Variants in MRTFB observed in about 807,000 individuals in gnomAD.
MRTFB encodes myocardin related transcription factor B, also known as myocardin-related transcription factor B.
A neutral mutation model predicts 104.2 loss-of-function variants in MRTFB; 29 were observed. That is an observed-to-expected ratio of 0.28 (90% CI 0.21 to 0.38). MRTFB has a LOEUF of 0.38. MRTFB is among the 10% of genes least tolerant of loss of function. The pLI is 1.00. For synonymous variants in MRTFB, 535 were observed against 519.5 expected (o/e 1.03, Z -0.41); for missense variants, 1,270 against 1,341.6 (o/e 0.95, Z 0.83).
At chr16:14,154,899 G>A (rs1022869409) in intron 3 of MRTFB, among the ~76,000 whole-genome samples, 5 of 152,154 alleles carry the variant, frequency 3.3e-5, no homozygotes, top group Non-Finnish European at 7.4e-5. Flanking sequence ...AAGTCTTCTG[G>A]CAAGACAGAG....
At chr16:14,139,977 C>T (rs961507775) in intron 2 of MRTFB, among the ~76,000 whole-genome samples, 1 of 152,142 alleles carries the variant, frequency 6.6e-6, no homozygotes, top group Non-Finnish European at 1.5e-5. Flanking sequence ...CAGAATGAGC[C>T]AGGTTTTACT....
upstream of MRTFB, among the ~76,000 whole-genome samples, chr16:14,070,936 G>A (rs555077506): frequency 6.6e-6 from 1 of 152,332 alleles, no homozygotes; most frequent in South Asian, 2.1e-4. Context: ...ACTTTGGAGG[G>A]CAGTGTGAGG....
At chr16:14,234,527 C>T (rs564325402) in intron 9 of MRTFB, among the ~76,000 whole-genome samples, 1 of 152,322 alleles carries the variant, frequency 6.6e-6, no homozygotes, top group East Asian at 1.9e-4. Flanking sequence ...GATGCAGTGG[C>T]TTACCTCTGT....
At chr16:14,192,048 T>C (rs986809591) in intron 3 of MRTFB, 2 of 152,188 alleles carry the variant, frequency 1.3e-5, no homozygotes, top group African/African-American at 4.8e-5. Context: ...ATTAAAAGTG[T>C]TGTACAAGTG....
intron 3 of MRTFB, among the ~76,000 whole-genome samples, chr16:14,203,908 G>C (rs1052499248): frequency 6.6e-6 from 1 of 151,918 alleles, no homozygotes; most frequent in Admixed American, 6.6e-5. Flanking sequence ...TTGAATTAGG[G>C]TTATAAGTAT....
chr16:14,216,104 G>C (rs77047961), intron 6 of MRTFB, among the ~76,000 whole-genome samples: 1,859 of 152,308 alleles, frequency 0.012, 20 homozygotes, highest in Middle Eastern at 0.02. Flanking sequence ...GACAATCAAG[G>C]CTCACTTTTG....
At chr16:14,038,851 C>T in the MRTFB span, among the ~76,000 whole-genome samples, 1 of 152,194 alleles carries the variant, frequency 6.6e-6, no homozygotes, top group African/African-American at 2.4e-5. Flanking sequence ...CACAGTTCCA[C>T]ATGGCTGGGG....
intron 2 of MRTFB, among the ~76,000 whole-genome samples, chr16:14,091,543 T>C (rs1304724387): frequency 6.6e-6 from 1 of 152,140 alleles, no homozygotes; most frequent in Non-Finnish European, 1.5e-5. Context: ...GGCCAGGCAC[T>C]GGGGTCTTTG....
chr16:14,174,290 G>T (rs187909692), intron 3 of MRTFB, among the ~76,000 whole-genome samples: 1 of 152,118 alleles, frequency 6.6e-6, no homozygotes, highest in Non-Finnish European at 1.5e-5. Context: ...CATTGTATCT[G>T]TTGTCCTTTT....
the MRTFB span, among the ~76,000 whole-genome samples, chr16:14,056,879 G>A: frequency 6.6e-6 from 1 of 151,956 alleles, no homozygotes; most frequent in Admixed American, 6.6e-5. Flanking sequence ...CATCATCACA[G>A]CACTCAGTCT....
chr16:14,240,137 G>C (rs1031231894), intron 9 of MRTFB, 100 bp from the exon 10 acceptor site: 2 of 1,387,856 alleles, frequency 1.4e-6, no homozygotes, highest in Non-Finnish European at 9.6e-7. Context: ...CCGTATCTAA[G>C]GTACATTTCT....
chr16:14,073,785 A>G (rs528371712), intron 1 of MRTFB, among the ~76,000 whole-genome samples: 6 of 152,328 alleles, frequency 3.9e-5, no homozygotes, highest in South Asian at 2.1e-4. Flanking sequence ...ACTAATATCT[A>G]TATTAGAGAA....
chr16:13,995,226 G>C, the MRTFB span, among the ~76,000 whole-genome samples: 1 of 152,148 alleles, frequency 6.6e-6, no homozygotes, highest in Non-Finnish European at 1.5e-5. Flanking sequence ...TTCCTTTTCA[G>C]TATCCTTCTG....
the MRTFB span, among the ~76,000 whole-genome samples, chr16:14,022,636 C>A: frequency 6.6e-6 from 1 of 152,132 alleles, no homozygotes; most frequent in Non-Finnish European, 1.5e-5. Context: ...AATCTCTTGA[C>A]CTTGTGATCC....
chr16:14,216,533 C>T lies in MRTFB; in HGVS notation c.353-593C>T, dbSNP rs150094289. ...TAGATGAGTTGATGCCTGTATACAA[C>T]CATTAATTACTGTATATTATAGTTG... is the stretch of plus-strand genomic sequence containing the variant. On this transcript the variant is annotated intron_variant, in intron 6 of 16. Transcript: ENST00000571589. 2.4e-3 allele frequency among the ~76,000 whole-genome samples: 358 copies of T among 152,080 alleles called. 3 individuals are homozygous for T. The highest frequency in any genetic ancestry group is 8.3e-3 in the African/African-American group (344 of 41,490).
chr16:14,066,288 T>A, the MRTFB span, among the ~76,000 whole-genome samples: 6 of 151,828 alleles, frequency 4.0e-5, no homozygotes, highest in Non-Finnish European at 7.4e-5. Context: ...TATTATTATT[T>A]TTTGAGATGG....
At chr16:14,081,117 A>G (rs929486965) in intron 2 of MRTFB, among the ~76,000 whole-genome samples, 5 of 152,080 alleles carry the variant, frequency 3.3e-5, no homozygotes, top group East Asian at 1.9e-4. Context: ...ATTCCTCCCA[A>G]TGGTGTTCAA....
chr16:14,210,675 T>C (rs1365522878), intron 4 of MRTFB, among the ~76,000 whole-genome samples: 1 of 152,216 alleles, frequency 6.6e-6, no homozygotes, highest in Non-Finnish European at 1.5e-5. Flanking sequence ...AAAATTAATT[T>C]ACAATTTTTA....
At chr16:14,141,627 AC>A (rs1257479144) in intron 3 of MRTFB, 6 of 152,126 alleles carry the variant, frequency 3.9e-5, no homozygotes, top group African/African-American at 1.4e-4. Context: ...GTACCTTGTC[AC>A]TTACTTTCCT....
Sources: gnomAD v4.1 joint callset for allele counts (sites outside exome capture counted in the v4.1 genomes callset) on GRCh38, gnomAD v4.1.1 for gene constraint, MANE v1.5 for transcripts, NCBI Gene and HGNC (gene_info 2026-07-23, HGNC 2026-07-21) for gene names.